OXR1: variants seen among roughly 807,000 people sequenced by gnomAD.
OXR1 encodes the protein oxidation resistance 1.
OXR1 carries 41 observed loss-of-function variants against 104.6 expected under a neutral mutation model. That is an observed-to-expected ratio of 0.39 (90% CI 0.31 to 0.51). The LOEUF (loss-of-function observed/expected upper bound fraction) is 0.51, where lower values mean the gene tolerates loss of function less well. OXR1 is among the 20% of genes least tolerant of loss of function. The pLI, the probability that OXR1 is intolerant of heterozygous loss-of-function variation, is 0.77. For missense variants in OXR1, 955 were observed against 1,031.9 expected (o/e 0.93, Z 1.02); for synonymous variants, 348 against 348.4 (o/e 1.00, Z 0.01).
At chr8:106,611,022 G>T (rs1428916357) in intron 3 of OXR1, among the ~76,000 whole-genome samples, 2 of 152,114 alleles carry the variant, frequency 1.3e-5, no homozygotes, top group African/African-American at 4.8e-5. Flanking sequence ...AACATTCTTA[G>T]AACTTAGATT....
At chr8:106,694,927 T>A (rs9693378) in intron 7 of OXR1, among the ~76,000 whole-genome samples, 1 of 136,638 alleles carries the variant, frequency 7.3e-6, no homozygotes. Flanking sequence ...TTATATATAT[T>A]TATATATATA....
At chr8:106,274,796 TAGAG>T (rs1475036323) in intron 1 of OXR1, among the ~76,000 whole-genome samples, 12 of 152,294 alleles carry the variant, frequency 7.9e-5, no homozygotes, top group Middle Eastern at 6.8e-3. Context: ...TTCTTGCTAT[TAGAG>T]AGGCTTCCTC....
At chr8:106,333,896 G>C (rs747083073) in intron 1 of OXR1, among the ~76,000 whole-genome samples, 6 of 152,066 alleles carry the variant, frequency 3.9e-5, no homozygotes, top group Admixed American at 1.3e-4. Context: ...GTAAGATTAA[G>C]TCCTACCAAC....
chr8:106,586,290 G>A (rs968743504), intron 3 of OXR1, among the ~76,000 whole-genome samples: 3 of 151,942 alleles, frequency 2.0e-5, no homozygotes, highest in South Asian at 4.2e-4. Flanking sequence ...TGGTGAATAC[G>A]ATGGGGTGAG....
chr8:106,729,576 A>G (rs900307519), intron 11 of OXR1, among the ~76,000 whole-genome samples: 1 of 152,110 alleles, frequency 6.6e-6, no homozygotes, highest in Non-Finnish European at 1.5e-5. Flanking sequence ...CCGCCTATCT[A>G]TAGTAGATAG....
At chr8:106,508,977 A>C (rs1268440693) in intron 2 of OXR1, among the ~76,000 whole-genome samples, 1 of 152,214 alleles carries the variant, frequency 6.6e-6, no homozygotes, top group Non-Finnish European at 1.5e-5. Flanking sequence ...ATTTATAGAG[A>C]TAGTTTGTAA....
At chr8:106,640,755 A>C (rs1823562736) in intron 3 of OXR1, among the ~76,000 whole-genome samples, 1 of 152,208 alleles carries the variant, frequency 6.6e-6, no homozygotes, top group Admixed American at 6.5e-5. Flanking sequence ...AAAATTTTGA[A>C]ATTCAAATTT....
intron 2 of OXR1, among the ~76,000 whole-genome samples, chr8:106,422,198 G>A (rs558840011): frequency 2.0e-5 from 3 of 152,172 alleles, no homozygotes; most frequent in African/African-American, 7.2e-5. Context: ...GTCTCCTTTC[G>A]GAGCACTGGC....
intron 3 of OXR1, among the ~76,000 whole-genome samples, chr8:106,598,270 C>T (rs72680986): frequency 0.02 from 2,988 of 152,224 alleles, 39 homozygotes; most frequent in South Asian, 0.064. Flanking sequence ...AGATTAGTGG[C>T]TTAACACATG....
intron 2 of OXR1, among the ~76,000 whole-genome samples, chr8:106,413,031 A>G (rs933827119): frequency 5.9e-5 from 9 of 152,236 alleles, no homozygotes; most frequent in Middle Eastern, 3.4e-3. Context: ...TTAGTTGTGT[A>G]TGACTGACTT....
chr8:106,452,933 G>A (rs779357881), intron 2 of OXR1, among the ~76,000 whole-genome samples: 4 of 149,524 alleles, frequency 2.7e-5, no homozygotes, highest in African/African-American at 9.8e-5. Context: ...TATCTGCCCC[G>A]AACTTCTCCC....
At chr8:106,616,786 C>T (rs1369608782) in intron 3 of OXR1, among the ~76,000 whole-genome samples, 1 of 152,156 alleles carries the variant, frequency 6.6e-6, no homozygotes, top group African/African-American at 2.4e-5. Context: ...TAACTCTGCA[C>T]GTGGTTTTTG....
At chr8:106,642,550 ACT>A (rs1252538767) in intron 3 of OXR1, among the ~76,000 whole-genome samples, 2 of 151,996 alleles carry the variant, frequency 1.3e-5, no homozygotes, top group Admixed American at 1.3e-4. Flanking sequence ...ACCAATAGGG[ACT>A]CTCTGGCCAG....
At chr8:106,629,447 C>T (rs765913894) in intron 3 of OXR1, among the ~76,000 whole-genome samples, 4 of 152,144 alleles carry the variant, frequency 2.6e-5, no homozygotes. Flanking sequence ...GACTACTCGT[C>T]TAGGGTCCTA....
At chr8:106,587,541 T>A (rs978917790) in intron 3 of OXR1, among the ~76,000 whole-genome samples, 16 of 152,224 alleles carry the variant, frequency 1.1e-4, no homozygotes, top group Non-Finnish European at 2.2e-4. Context: ...GTTATGGTTG[T>A]TATTTTAAGG....
intron 2 of OXR1, among the ~76,000 whole-genome samples, chr8:106,409,133 A>G (rs374159483): frequency 2.4e-4 from 37 of 152,118 alleles, no homozygotes; most frequent in South Asian, 1.0e-3. Context: ...TCCTTTACCT[A>G]TAGTTTCTCC....
chr8:106,382,968 C>G (rs913218071), intron 2 of OXR1, among the ~76,000 whole-genome samples: 1 of 151,040 alleles, frequency 6.6e-6, no homozygotes, highest in African/African-American at 2.4e-5. Flanking sequence ...TCTATAGTAA[C>G]TTTGGGTGGA....
At chr8:106,464,353 G>A (rs1821067692) in intron 2 of OXR1, among the ~76,000 whole-genome samples, 1 of 151,988 alleles carries the variant, frequency 6.6e-6, no homozygotes, top group Non-Finnish European at 1.5e-5. Context: ...CTATGAGGAA[G>A]GAAATCCAAG....
At chr8:106,616,658 C>T (rs1350012650) in intron 3 of OXR1, among the ~76,000 whole-genome samples, 1 of 152,158 alleles carries the variant, frequency 6.6e-6, no homozygotes, top group African/African-American at 2.4e-5. Flanking sequence ...AGACCATAAG[C>T]TCTATATTAC....
Sources: allele counts gnomAD v4.1 joint callset (sites outside exome capture counted in the v4.1 genomes callset), GRCh38; gene constraint gnomAD v4.1.1; transcripts MANE v1.5; gene names NCBI Gene and HGNC (gene_info 2026-07-23, HGNC 2026-07-21).